The following STMN3 variants were observed in gnomAD, a reference collection of about 807,000 sequenced individuals.
STMN3 encodes the protein stathmin 3.
Under a neutral mutation model 23.2 loss-of-function variants are expected in STMN3, and 24 were observed. The observed-to-expected ratio is 1.03, with a 90% CI of 0.75 to 1.45. The LOEUF (loss-of-function observed/expected upper bound fraction) is 1.45, where lower values mean the gene tolerates loss of function less well. Among genes scored for constraint, STMN3 ranks in the 40% most tolerant of loss-of-function variants. The pLI is 0.00. For synonymous variants in STMN3, 117 were observed against 103.4 expected (o/e 1.13, Z -0.80); for missense variants, 235 against 237.6 (o/e 0.99, Z 0.07).
At chr20:63,647,991 T>TATATATATATATACAC (rs1288050001) in intron 1 of STMN3, among the ~76,000 whole-genome samples, 833 of 75,788 alleles carry the variant, frequency 0.011, 48 homozygotes, top group South Asian at 0.03. Context: ...CATATATATA[T>TATATATATATATACAC]ACAGAGAGAG....
chr20:63,642,143 G>T lies in STMN3; in HGVS notation c.448C>A (p.His150Asn). 6.6e-7 allele frequency: 1 copy of T among 1,516,782 alleles called. No individual in the cohort carries two copies. The highest frequency in any genetic ancestry group is 8.8e-7 in the Non-Finnish European group (1 of 1,131,034). 94.0% of individuals were successfully genotyped at this position (1,516,782 alleles called of 1,614,324 possible). ...MELSKEIREA[H>N]LAALRERLRE... ...AGCCGCTCGCGCAGTGCGGCCAGGT[G>T]TGCCTCGCGGATCTCCTTGCTGAGC... is the stretch of plus-strand genomic sequence containing the variant. Residue 150 changes from histidine (H) to asparagine (N), a missense_variant, in exon 4 of 5, where the codon CAC becomes AAC. His to Asn is a moderately conservative substitution (Grantham distance 68). Coordinates refer to ENST00000370053, the MANE Select transcript of STMN3 (RefSeq NM_015894.4).
chr20:63,649,829 CT>C (rs953904914), intron 1 of STMN3, among the ~76,000 whole-genome samples: 3,010 of 124,678 alleles, frequency 0.024, 41 homozygotes, highest in Middle Eastern at 0.076. Flanking sequence ...CGCGCCTGGA[CT>C]TTTTTTTTTT....
chr20:63,649,304 G>C (rs2089840003), intron 1 of STMN3, among the ~76,000 whole-genome samples: 1 of 152,210 alleles, frequency 6.6e-6, no homozygotes, highest in Non-Finnish European at 1.5e-5. Context: ...CAACTCTGGA[G>C]AGAGCAAGCA....
chr20:63,644,521 CTT>C (rs112923996), intron 1 of STMN3, among the ~76,000 whole-genome samples: 12,144 of 152,182 alleles, frequency 0.08, 552 homozygotes, highest in Non-Finnish European at 0.089. Context: ...TGTCCCCTGC[CTT>C]CTGTCTCTCT....
intron 2 of STMN3, 39 bp from the exon 3 acceptor site, chr20:63,643,970 C>T: frequency 6.3e-7 from 1 of 1,582,652 alleles, no homozygotes. Flanking sequence ...AGAGGCCCGG[C>T]CAGGGCATGG....
chr20:63,646,618 G>T (rs1298036747), intron 1 of STMN3, among the ~76,000 whole-genome samples: 1 of 151,908 alleles, frequency 6.6e-6, no homozygotes, highest in Non-Finnish European at 1.5e-5. Flanking sequence ...CTCCCAAAGT[G>T]CTGGGATTAC....
At chr20:63,641,553 C>A (rs2089762324) in intron 4 of STMN3, among the ~76,000 whole-genome samples, 156 bp from the exon 5 acceptor site, 1 of 152,178 alleles carries the variant, frequency 6.6e-6, no homozygotes, top group Non-Finnish European at 1.5e-5. Flanking sequence ...GGCGGGAGCA[C>A]CGGGGAGGCG....
chr20:63,653,210 G>A (rs1413965620), intron 1 of STMN3, 117 bp downstream of exon 1: 11 of 1,343,646 alleles, frequency 8.2e-6, no homozygotes, highest in Non-Finnish European at 1.1e-5. Flanking sequence ...GGCTTGCAAC[G>A]CGCAGGGTAG....
In STMN3 at chr20:63,640,473, G is replaced by A. The variant is rs2314997; in HGVS notation, c.*865C>T. 1.3e-5 allele frequency: 2 copies of A among 152,002 alleles called. No homozygotes were observed. The highest frequency in any genetic ancestry group is 4.2e-4 in the South Asian group (2 of 4,798). The allele number at this position is 152,002 out of a possible 1,614,324, so 9.4% of individuals were successfully genotyped here. A position where few individuals can be genotyped will look rare whatever the true frequency, so the allele number is the denominator to read the frequency against. ...TCCCTGAGGAGGACTTGTGGCTGCC[G>A]CTTCCACCAGGGCAGAGGGCACAGG... On this transcript the variant is annotated 3_prime_UTR_variant, in exon 5 of 5. Transcript: ENST00000370053.
chr20:63,646,039 A>C (rs976127136), intron 1 of STMN3, among the ~76,000 whole-genome samples: 2 of 152,078 alleles, frequency 1.3e-5, no homozygotes, highest in Non-Finnish European at 2.9e-5. Flanking sequence ...AAGACAGACA[A>C]GGCAGAAGTA....
At chr20:63,648,022 G>T (rs2089832249) in intron 1 of STMN3, among the ~76,000 whole-genome samples, 2 of 128,066 alleles carry the variant, frequency 1.6e-5, no homozygotes, top group African/African-American at 3.0e-5. Context: ...GATAGGTCTT[G>T]CTGTCTTGTC....
chr20:63,647,319 T>C (rs1045143148), intron 1 of STMN3, among the ~76,000 whole-genome samples: 6 of 113,412 alleles, frequency 5.3e-5, no homozygotes, highest in African/African-American at 2.3e-4. Flanking sequence ...AAAAAAAAAA[T>C]TTGTAGTGGT....
At chr20:63,644,065 C>G (rs2089789855) in intron 2 of STMN3, 134 bp from the exon 3 acceptor site, 16 of 1,382,444 alleles carry the variant, frequency 1.2e-5, no homozygotes, top group Non-Finnish European at 1.5e-5. Context: ...GAATCCCAGG[C>G]TTCAGCCCCC....
intron 1 of STMN3, 53 bp downstream of exon 1, chr20:63,653,274 A>T: frequency 6.5e-7 from 1 of 1,533,404 alleles, no homozygotes; most frequent in African/African-American, 1.4e-5. Context: ...AGGCCAGACG[A>T]GGCCTCTGCT....
At chr20:63,643,993 G>A (rs567675751) in intron 2 of STMN3, 62 bp from the exon 3 acceptor site, 1,515 of 1,570,296 alleles carry the variant, frequency 9.6e-4, no homozygotes, top group Non-Finnish European at 1.2e-3. Flanking sequence ...TGGGCTGAGC[G>A]GGATGCTCCC....
intron 1 of STMN3, among the ~76,000 whole-genome samples, chr20:63,647,711 C>T (rs1217217471): frequency 1.3e-4 from 14 of 110,658 alleles, no homozygotes; most frequent in African/African-American, 2.9e-4. Flanking sequence ...TATATATACA[C>T]GTGTATATAT....
intron 1 of STMN3, among the ~76,000 whole-genome samples, chr20:63,648,561 C>T (rs1488933975): frequency 6.6e-6 from 1 of 152,102 alleles, no homozygotes; most frequent in African/African-American, 2.4e-5. Context: ...CATGGTGAAA[C>T]CCCATCTCTA....
intron 1 of STMN3, among the ~76,000 whole-genome samples, chr20:63,647,958 A>ATGTGTATATATATATG (rs1315079081): frequency 1.3e-5 from 1 of 74,582 alleles, no homozygotes; most frequent in Non-Finnish European, 2.6e-5. Context: ...GTATATATAT[A>ATGTGTATATATATATG]TGTATATATA....
At position 63,643,914 on chromosome 20, in the gene STMN3, G is replaced by A; in HGVS notation, c.133C>T (p.Leu45=). ...YQYGDMEVKQ[L]DKRASGQSFE... is the part of the protein sequence containing the mutation. The stretch of plus-strand genomic sequence containing the variant: ...CTCTGGCCTGAGGCCCGCTTGTCCA[G>A]CTGCTTCACCTCCATGTCTGCAGGG... The change falls in exon 3 of 5, where the codon CTG becomes TTG. Residue 45 remains leucine, a synonymous_variant. Transcript: ENST00000370053. 1 of 1,598,524 alleles carries A rather than the reference G, an allele frequency of 6.3e-7. No homozygotes were observed. Among genetic ancestry groups the A allele is most frequent in the Non-Finnish European group, 8.5e-7 (1 of 1,176,102 alleles).
Sources: allele counts gnomAD v4.1 joint callset (sites outside exome capture counted in the v4.1 genomes callset), GRCh38; gene constraint gnomAD v4.1.1; transcripts MANE v1.5; gene names NCBI Gene and HGNC (gene_info 2026-07-23, HGNC 2026-07-21).